Variants in SYNE1 observed in about 807,000 individuals in gnomAD.
SYNE1 encodes nesprin-1.
Under a neutral mutation model 1,111.0 loss-of-function variants are expected in SYNE1, and 616 were observed. The observed-to-expected ratio is 0.55, with a 90% CI of 0.52 to 0.59. SYNE1 has a LOEUF of 0.59. Ranked by LOEUF, SYNE1 falls within the 20% of genes least tolerant of loss-of-function variation. The pLI is 0.00. For synonymous variants in SYNE1, 3,855 were observed against 3,825.8 expected, an observed-to-expected ratio of 1.01 and a Z score of -0.28; for missense variants, 10,006 against 10,417.0, an observed-to-expected ratio of 0.96 and a Z score of 1.72.
At chr6:152,490,789 A>G (rs1291637061) in intron 11 of SYNE1, among the ~76,000 whole-genome samples, 1 of 152,204 alleles carries the variant, frequency 6.6e-6, no homozygotes, top group Non-Finnish European at 1.5e-5. Context: ...TCAGGAGACC[A>G]GTCCCCTGTC....
rs968598456 is a variant in SYNE1 at position 152,447,642 on chromosome 6, T to C, written c.3505-20A>G. 2 of 1,613,980 alleles carry C rather than the reference T, an allele frequency of 1.2e-6. No homozygotes were observed. The highest frequency in any genetic ancestry group is 2.7e-5 in the African/African-American group (2 of 74,934). The stretch of plus-strand genomic sequence containing the variant: ...GATCTCCTGAAATGAGAGAACACTT[T>C]TGATGAACACAGTGCAATTGTGAAA... On this transcript the variant is annotated intron_variant, in intron 28 of 145. Coordinates refer to ENST00000367255, the MANE Select transcript of SYNE1 (RefSeq NM_182961.4).
At chr6:152,355,056 T>C in intron 66 of SYNE1, 80 bp from the exon 67 acceptor site, 1 of 1,491,820 alleles carries the variant, frequency 6.7e-7, no homozygotes, top group Non-Finnish European at 9.3e-7. Context: ...CCAAGCCAAC[T>C]GTGCCCACTT....
chr6:152,396,135 G>C (rs2097727887), intron 50 of SYNE1, among the ~76,000 whole-genome samples: 1 of 152,326 alleles, frequency 6.6e-6, no homozygotes, highest in East Asian at 1.9e-4. Flanking sequence ...AATAAGTAGG[G>C]CAGTGGAGTC....
chr6:152,204,572 A>T (rs1309162028), intron 126 of SYNE1, among the ~76,000 whole-genome samples: 2 of 152,158 alleles, frequency 1.3e-5, no homozygotes, highest in African/African-American at 2.4e-5. Context: ...GACTAAAATG[A>T]GGCTATATAA....
intron 46 of SYNE1, among the ~76,000 whole-genome samples, chr6:152,402,863 C>T (rs1214774870): frequency 6.6e-6 from 1 of 151,990 alleles, no homozygotes; most frequent in African/African-American, 2.4e-5. Context: ...TGTAAAAGTC[C>T]AACTGTTAAC....
At chr6:152,201,764 C>T in intron 127 of SYNE1, 60 bp downstream of exon 127, 1 of 1,612,782 alleles carries the variant, frequency 6.2e-7, no homozygotes, top group Non-Finnish European at 8.5e-7. Flanking sequence ...GATTATGGCC[C>T]CAAAGACATT....
intron 34 of SYNE1, among the ~76,000 whole-genome samples, chr6:152,432,058 C>T (rs758925763): frequency 6.6e-6 from 1 of 152,046 alleles, no homozygotes; most frequent in Non-Finnish European, 1.5e-5. Flanking sequence ...TTCATATATA[C>T]GAATCACTCA....
rs1179704850 is a variant in SYNE1, at chr6:152,219,062, A to G, written c.21985T>C (p.Leu7329=). ...ASAIQSDQLS[L]SQHLCALEQA... ...TCCAGGGCACACAAGTGTTGACTCA[A>G]AGAGAGTTGATCCGATTGAATAGCT... The change falls in exon 120 of 146, where the codon TTG becomes CTG. Residue 7329 remains leucine (L), a synonymous_variant. Coordinates refer to ENST00000367255, the MANE Select transcript of SYNE1 (RefSeq NM_182961.4). 6 of 1,614,170 alleles carry G rather than the reference A, an allele frequency of 3.7e-6. No homozygotes were observed. The highest frequency in any genetic ancestry group is 3.4e-6 in the Non-Finnish European group (4 of 1,180,014).
chr6:152,528,739 A>G lies in SYNE1; in HGVS notation c.130-2564T>C, dbSNP rs116544122. 8.7e-3 allele frequency among the ~76,000 whole-genome samples: 1,319 copies of G among 152,318 alleles called. 28 individuals are homozygous for G. The highest frequency in any genetic ancestry group is 0.03 in the African/African-American group (1,261 of 41,554). ...ATATGTTAGTACATACGATGCTTCT[A>G]TTATTACGTTTTTAGTCTTTCTTAA... is the stretch of plus-strand genomic sequence containing the variant. On this transcript the variant is annotated intron_variant, in intron 4 of 145. Transcript: ENST00000367255.
intron 3 of SYNE1, among the ~76,000 whole-genome samples, chr6:152,576,050 T>C (rs1199238649): frequency 1.3e-5 from 2 of 152,252 alleles, no homozygotes; most frequent in African/African-American, 4.8e-5. Context: ...GTCTTTCTGG[T>C]AGCAATTCAG....
At chr6:152,582,178 A>C (rs1035492487) in intron 3 of SYNE1, among the ~76,000 whole-genome samples, 1 of 152,094 alleles carries the variant, frequency 6.6e-6, no homozygotes, top group Non-Finnish European at 1.5e-5. Flanking sequence ...AAGTTTTTCA[A>C]GTTAGCCTGA....
At chr6:152,293,482 T>G (rs531935447) in intron 95 of SYNE1, 106 bp downstream of exon 95, 2 of 1,327,402 alleles carry the variant, frequency 1.5e-6, no homozygotes, top group East Asian at 2.3e-5. Flanking sequence ...GTTAAAAAAT[T>G]TTTAAAAAGT....
chr6:152,256,217 G>A (rs1365235938), intron 102 of SYNE1, among the ~76,000 whole-genome samples: 3 of 151,796 alleles, frequency 2.0e-5, no homozygotes, highest in African/African-American at 7.3e-5. Context: ...TCAGGAGATC[G>A]AGACCATCCT....
rs62427037 is a variant in SYNE1 at position 152,454,677 on chromosome 6, C to T, written c.2892+749G>A. On this transcript the variant is annotated intron_variant, in intron 24 of 145. Transcript: ENST00000367255. ...GACATGCAGAATTATTTTGTAAAAA[C>T]GGTGATTCAAAACAAGAAGTACCAT... is the stretch of plus-strand genomic sequence containing the variant. Among the ~76,000 whole-genome samples the T allele has an allele frequency of 3.5e-3, 528 of 152,236 alleles. 1 individual carries two copies. The highest frequency in any genetic ancestry group is 6.3e-3 in the Non-Finnish European group (430 of 68,008).
In SYNE1 at chr6:152,323,477, C is replaced by T. The variant is rs2095946711; in HGVS notation, c.15917+1G>A. 6 of 1,613,190 alleles carry T rather than the reference C, an allele frequency of 3.7e-6. No individual in the cohort carries two copies. Among genetic ancestry groups the T allele is most frequent in the Non-Finnish European group, 5.1e-6 (6 of 1,180,010 alleles). On this transcript the variant is annotated splice_donor_variant, in intron 82 of 145. Transcript: ENST00000367255. LOFTEE classifies it high-confidence loss of function. ...AAGAATGAAAGTAGGTGCTTAATTACTTCAGGCACCGATCTTGCATGGCGG... is the reference window on the plus strand; with the variant it reads ...AAGAATGAAAGTAGGTGCTTAATTATTTCAGGCACCGATCTTGCATGGCGG...
intron 95 of SYNE1, among the ~76,000 whole-genome samples, chr6:152,284,721 C>T (rs1020633220): frequency 6.7e-5 from 10 of 150,078 alleles, no homozygotes; most frequent in Admixed American, 5.3e-4. Flanking sequence ...GCCTGGATCA[C>T]AGGCATGAGC....
At chr6:152,455,822 G>C (rs987759811) in intron 23 of SYNE1, 64 bp downstream of exon 23, 58 of 1,609,178 alleles carry the variant, frequency 3.6e-5, no homozygotes, top group Non-Finnish European at 4.5e-5. Context: ...CACGAGTGAT[G>C]GTTTCTTGTC....
chr6:152,310,519 C>G lies in SYNE1; in HGVS notation c.16897-1G>C. Reference sequence around the variant, plus strand: ...ACTCTGCTTCAAATTTTTTCATATCCTAGAGAGTCAATATCAATGTATTGT... The same window carrying G: ...ACTCTGCTTCAAATTTTTTCATATCGTAGAGAGTCAATATCAATGTATTGT... On this transcript the variant is annotated splice_acceptor_variant, in intron 88 of 145. Transcript: ENST00000367255. LOFTEE classifies it high-confidence loss of function. The G allele has an allele frequency of 6.2e-7, 1 of 1,613,948 alleles. No homozygotes were observed. The highest frequency in any genetic ancestry group is 8.5e-7 in the Non-Finnish European group (1 of 1,180,010).
chr6:152,464,956 C>T (rs2098755668), intron 18 of SYNE1: 1 of 432,932 alleles, frequency 2.3e-6, no homozygotes, highest in East Asian at 4.9e-5. Context: ...TTTTCATCCT[C>T]TCTTAAATCA....
Sources: allele counts gnomAD v4.1 joint callset (sites outside exome capture counted in the v4.1 genomes callset), GRCh38; gene constraint gnomAD v4.1.1; transcripts MANE v1.5; gene names NCBI Gene and HGNC (gene_info 2026-07-23, HGNC 2026-07-21).